Variants in CNKSR2 observed in about 807,000 individuals in gnomAD.
CNKSR2 encodes the protein connector enhancer of kinase suppressor of Ras 2.
Under a neutral mutation model 84.4 loss-of-function variants are expected in CNKSR2, and 14 were observed. The observed-to-expected ratio is 0.17, with a 90% confidence interval of 0.11 to 0.26. The LOEUF is 0.26. Ranked by LOEUF, CNKSR2 falls within the 10% of genes least tolerant of loss-of-function variation. The pLI, the probability that CNKSR2 is intolerant of heterozygous loss-of-function variation, is 1.00. For missense variants in CNKSR2, 485 were observed against 771.2 expected (o/e 0.63, Z 4.40); for synonymous variants, 275 against 277.9 (o/e 0.99, Z 0.10).
chrX:21,486,918 A>G (rs1276433408), intron 5 of CNKSR2, among the ~76,000 whole-genome samples: 1 of 111,743 alleles, frequency 8.9e-6, no homozygotes, highest in Non-Finnish European at 1.9e-5. Flanking sequence ...AACTTGATGT[A>G]TGATGCAGTA....
intron 3 of CNKSR2, among the ~76,000 whole-genome samples, chrX:21,439,717 C>T (rs1339217848): frequency 9.1e-6 from 1 of 109,967 alleles, no homozygotes; most frequent in Non-Finnish European, 1.9e-5. Context: ...CTAAAACAAC[C>T]CAAAATGAAA....
intron 18 of CNKSR2, among the ~76,000 whole-genome samples, chrX:21,605,194 G>A (rs1332366299): frequency 9.0e-6 from 1 of 111,685 alleles, no homozygotes; most frequent in Non-Finnish European, 1.9e-5. Flanking sequence ...ACCTACACCT[G>A]TCTGACTATA....
intron 21 of CNKSR2, among the ~76,000 whole-genome samples, chrX:21,651,907 A>C (rs1444575649): frequency 8.9e-6 from 1 of 112,355 alleles, no homozygotes; most frequent in East Asian, 2.8e-4. Context: ...ACACATGCAA[A>C]AGTAACTCAA....
chrX:21,488,428 T>A (rs1338679107), intron 5 of CNKSR2, among the ~76,000 whole-genome samples: 1 of 111,677 alleles, frequency 9.0e-6, no homozygotes, highest in Non-Finnish European at 1.9e-5. Context: ...AAATAACTTG[T>A]TTATAGTCAC....
chrX:21,644,974 A>G (rs2092702751), intron 20 of CNKSR2: 2 of 112,171 alleles, frequency 1.8e-5, no homozygotes, highest in Admixed American at 9.5e-5. Context: ...GAAATGCATT[A>G]TGATCTTCTA....
chrX:21,514,633 A>T (rs763703702), intron 8 of CNKSR2, among the ~76,000 whole-genome samples: 2 of 111,876 alleles, frequency 1.8e-5, no homozygotes, highest in African/African-American at 6.5e-5. Context: ...AATGAAAAGA[A>T]ATTGGTGAGT....
In CNKSR2 at chrX:21,634,105, G is replaced by C. The variant is rs1384268393; in HGVS notation, c.2693-14726G>C. On this transcript the variant is annotated intron_variant, in intron 20 of 21. Coordinates refer to ENST00000379510, the MANE Select transcript of CNKSR2 (RefSeq NM_014927.5). Reference sequence around the variant, plus strand: ...TCTTGTCATGTACACAACATATTTTGAATGCCTAAAAATATAATAATTTGA... The same window carrying C: ...TCTTGTCATGTACACAACATATTTTCAATGCCTAAAAATATAATAATTTGA... 2.4e-4 allele frequency among the ~76,000 whole-genome samples: 27 copies of C among 111,768 alleles called. 2 individuals carry two copies. The Admixed American group carries it at 2.6e-3, about 11-fold the overall frequency.
At chrX:21,375,260 C>T (rs1039434063) in intron 1 of CNKSR2, among the ~76,000 whole-genome samples, 4 of 112,898 alleles carry the variant, frequency 3.5e-5, no homozygotes, top group Admixed American at 9.2e-5. Context: ...CCCCTCTCCC[C>T]TTACTGCCCC....
intron 5 of CNKSR2, among the ~76,000 whole-genome samples, chrX:21,471,904 T>C (rs1478683586): frequency 8.9e-6 from 1 of 112,184 alleles, no homozygotes; most frequent in Non-Finnish European, 1.9e-5. Context: ...TAATATTTAT[T>C]TAGGGCCTAT....
At chrX:21,452,246 A>G (rs993086667) in intron 4 of CNKSR2, among the ~76,000 whole-genome samples, 1 of 110,935 alleles carries the variant, frequency 9.0e-6, no homozygotes, top group African/African-American at 3.3e-5. Context: ...GTGCGCCACC[A>G]TGCTCGGCTA....
chrX:21,613,950 A>AAG (rs2092564106), intron 20 of CNKSR2, among the ~76,000 whole-genome samples: 2 of 110,187 alleles, frequency 1.8e-5, no homozygotes, highest in Non-Finnish European at 3.8e-5. Flanking sequence ...AAAAAAAAAA[A>AAG]AAAGAAAGAA....
At chrX:21,515,161 T>A in intron 8 of CNKSR2, among the ~76,000 whole-genome samples, 1 of 111,518 alleles carries the variant, frequency 9.0e-6, no homozygotes, top group Non-Finnish European at 1.9e-5. Context: ...TGTTCTAACT[T>A]CACCAACACT....
intron 13 of CNKSR2, among the ~76,000 whole-genome samples, chrX:21,572,729 T>C (rs1601965574): frequency 9.0e-6 from 1 of 111,253 alleles, no homozygotes; most frequent in South Asian, 3.9e-4. Context: ...CATGATTCAA[T>C]TACCTCCCAC....
chrX:21,493,256 A>G (rs989788113), intron 6 of CNKSR2: 2 of 112,452 alleles, frequency 1.8e-5, no homozygotes, highest in Non-Finnish European at 3.8e-5. Context: ...AAATTAAAGG[A>G]AGGAAAATGA....
At chrX:21,540,988 G>GTT (rs376820459) in intron 11 of CNKSR2, among the ~76,000 whole-genome samples, 8 of 102,186 alleles carry the variant, frequency 7.8e-5, no homozygotes, top group African/African-American at 2.1e-4. Flanking sequence ...ATATCTGGTT[G>GTT]TTTTTTTTTT....
At chrX:21,436,443 G>C (rs779183379) in intron 3 of CNKSR2, among the ~76,000 whole-genome samples, 16 of 111,581 alleles carry the variant, frequency 1.4e-4, no homozygotes, top group African/African-American at 4.9e-4. Flanking sequence ...TTTTGCACCA[G>C]AGAGAAATAT....
chrX:21,387,137 T>C (rs774032689), intron 1 of CNKSR2, among the ~76,000 whole-genome samples: 2 of 112,260 alleles, frequency 1.8e-5, no homozygotes, highest in South Asian at 7.4e-4. Flanking sequence ...ATGAAGCTGC[T>C]TATTCTTAAA....
chrX:21,465,647 T>C (rs1158727422), intron 4 of CNKSR2, among the ~76,000 whole-genome samples: 1 of 110,893 alleles, frequency 9.0e-6, no homozygotes, highest in East Asian at 2.8e-4. Context: ...ATTTATAAAG[T>C]TCCATGAAAT....
At chrX:21,409,692 G>A (rs1191778599) in intron 1 of CNKSR2, among the ~76,000 whole-genome samples, 3 of 110,901 alleles carry the variant, frequency 2.7e-5, no homozygotes, top group African/African-American at 9.8e-5. Flanking sequence ...CATTCTTTTA[G>A]AATTAATAAC....
Sources: allele counts gnomAD v4.1 joint callset (sites outside exome capture counted in the v4.1 genomes callset), GRCh38; gene constraint gnomAD v4.1.1; transcripts MANE v1.5; gene names NCBI Gene and HGNC (gene_info 2026-07-23, HGNC 2026-07-21).